The following YWHAZ variants were observed in gnomAD, a reference collection of about 807,000 sequenced individuals.
YWHAZ encodes tyrosine 3-monooxygenase/tryptophan 5-monooxygenase activation protein zeta.
For missense variants in YWHAZ, 79 were observed against 284.8 expected, an observed-to-expected ratio of 0.28 and a Z score of 5.20; for synonymous variants, 87 against 103.6, an observed-to-expected ratio of 0.84 and a Z score of 0.97.
chr8:100,948,329 T>C lies in YWHAZ; in HGVS notation c.294+267A>G, dbSNP rs1260002708. Among the ~76,000 whole-genome samples the C allele has an allele frequency of 6.6e-6, 1 of 151,754 alleles. No individual in the cohort carries two copies. Among genetic ancestry groups the C allele is most frequent in the Non-Finnish European group, 1.5e-5 (1 of 67,660 alleles). Reference sequence around the variant, plus strand: ...GTAAAACAGTAACACAATTAGTTTATATTTTCAATTAATATAAAATACAAT... The same window carrying C: ...GTAAAACAGTAACACAATTAGTTTACATTTTCAATTAATATAAAATACAAT... On this transcript the variant is annotated intron_variant, in intron 2 of 5. Coordinates refer to ENST00000395958, the MANE Select transcript of YWHAZ (RefSeq NM_145690.3). The surrounding 1 kb of genome is among the most constrained non-coding windows in gnomAD (Gnocchi z 4.2).
At chr8:100,933,044 A>G (rs1361864666) in intron 2 of YWHAZ, among the ~76,000 whole-genome samples, 2 of 152,154 alleles carry the variant, frequency 1.3e-5, no homozygotes, top group African/African-American at 2.4e-5. Flanking sequence ...AAGAATCAGT[A>G]TTAACAGTAT....
At chr8:100,946,353 C>T (rs1443249056) in intron 2 of YWHAZ, among the ~76,000 whole-genome samples, 1 of 152,132 alleles carries the variant, frequency 6.6e-6, no homozygotes, top group African/African-American at 2.4e-5. Context: ...ACCTGGTCAC[C>T]AGCCTGGCCG....
In YWHAZ at chr8:100,922,857, T is replaced by C. The variant is rs1362961097; in HGVS notation, c.678+1098A>G. The stretch of plus-strand genomic sequence containing the variant: ...ATCACTTCAAACTAGAAAAGAAAAA[T>C]CCTTAATACTAAAGTTAGTTAACAA... On this transcript the variant is annotated intron_variant, in intron 5 of 5. Coordinates refer to ENST00000395958, the MANE Select transcript of YWHAZ (RefSeq NM_145690.3). This position sits in a 1 kb window ranked among gnomAD's most constrained non-coding sequence, Gnocchi z 4.1. 1 of 152,138 alleles carries C rather than the reference T, an allele frequency of 6.6e-6. No homozygotes were observed. The highest frequency in any genetic ancestry group is 2.4e-5 in the African/African-American group (1 of 41,432). The allele number at this position is 152,138 out of a possible 1,614,324, so 9.4% of individuals were successfully genotyped here.
At chr8:100,929,728 C>T (rs756818642) in intron 2 of YWHAZ, among the ~76,000 whole-genome samples, 1 of 152,090 alleles carries the variant, frequency 6.6e-6, no homozygotes, top group Non-Finnish European at 1.5e-5. Flanking sequence ...AAGTATGTTG[C>T]TTTGTCAAAC....
intron 1 of YWHAZ, chr8:100,951,385 C>G: frequency 4.1e-6 from 4 of 977,712 alleles, no homozygotes; most frequent in Non-Finnish European, 4.9e-6. Flanking sequence ...CCGCAGCGCC[C>G]AGCGCGGAGG....
chr8:100,930,906 T>C (rs192058821), intron 2 of YWHAZ, among the ~76,000 whole-genome samples: 58 of 152,326 alleles, frequency 3.8e-4, no homozygotes, highest in Admixed American at 3.4e-3. Flanking sequence ...AGAAATCATT[T>C]ACTCAGCAGC....
At chr8:100,949,471 A>G (rs1810544252) in intron 1 of YWHAZ, among the ~76,000 whole-genome samples, 1 of 152,128 alleles carries the variant, frequency 6.6e-6, no homozygotes, top group East Asian at 1.9e-4. Flanking sequence ...CTGCCAGCCA[A>G]TAATAGCATA....
Position 100,948,854 on chromosome 8 carries a change from C to T in YWHAZ, c.36G>A (p.Leu12=). 3 of 1,597,718 alleles carry T rather than the reference C, an allele frequency of 1.9e-6. No homozygotes were observed. Among genetic ancestry groups the T allele is most frequent in the Non-Finnish European group, 2.5e-6 (3 of 1,178,824 alleles). ...DKNELVQKAK[L]AEQAERYDDM... is the part of the protein sequence containing the mutation. ...CATCATATCGCTCAGCCTGCTCGGC[C>T]AGTTTGGCCTTCTGAACCAGCTCAT... Residue 12 remains leucine (L), a synonymous_variant, in exon 2 of 6, where the codon CTG becomes CTA. Transcript: ENST00000395958. This position sits in a 1 kb window ranked among gnomAD's most constrained non-coding sequence, Gnocchi z 4.2.
At chr8:100,933,703 T>C (rs1813921370) in intron 2 of YWHAZ, among the ~76,000 whole-genome samples, 1 of 152,172 alleles carries the variant, frequency 6.6e-6, no homozygotes, top group East Asian at 1.9e-4. Context: ...AATATCCTAA[T>C]TTCTGTCAAT....
chr8:100,939,590 C>T (rs996497522), intron 2 of YWHAZ, among the ~76,000 whole-genome samples: 5 of 151,598 alleles, frequency 3.3e-5, no homozygotes, highest in South Asian at 2.1e-4. Context: ...ACCCAGGAGA[C>T]GGAGGATGTG....
chr8:100,948,480 T>C lies in YWHAZ; in HGVS notation c.294+116A>G, dbSNP rs1421473037. 11 of 1,191,916 alleles carry C rather than the reference T, an allele frequency of 9.2e-6. No individual in the cohort carries two copies. In the East Asian group the frequency reaches 1.2e-4, roughly 13 times the overall value. The allele number at this position is 1,191,916 out of a possible 1,614,324, so 73.8% of individuals were successfully genotyped here. On this transcript the variant is annotated intron_variant, in intron 2 of 5. Coordinates refer to ENST00000395958, the MANE Select transcript of YWHAZ (RefSeq NM_145690.3). The surrounding 1 kb of genome is among the most constrained non-coding windows in gnomAD (Gnocchi z 4.2). Reference sequence around the variant, plus strand: ...CATGACACCATGAAGACTTTTAAATTTGGAACACACAATGTTTAGAAGGAA... The same window carrying C: ...CATGACACCATGAAGACTTTTAAATCTGGAACACACAATGTTTAGAAGGAA...
chr8:100,924,327 G>C lies in YWHAZ; in HGVS notation c.419-29C>G, dbSNP rs1449274064. 6.3e-7 allele frequency: 1 copy of C among 1,597,920 alleles called. No individual in the cohort carries two copies. Among genetic ancestry groups the C allele is most frequent in the Admixed American group, 1.7e-5 (1 of 57,610 alleles). ...GATAAGACACACCAAAACGTACTGA[G>C]ATAAAGTGTGCATTATATCTTCACC... is the stretch of plus-strand genomic sequence containing the variant. On this transcript the variant is annotated intron_variant, in intron 3 of 5. Transcript: ENST00000395958. This position sits in a 1 kb window ranked among gnomAD's most constrained non-coding sequence, Gnocchi z 5.7.
Position 100,940,899 on chromosome 8 carries a change from C to T in YWHAZ, c.294+7697G>A, listed in dbSNP as rs116617251. On this transcript the variant is annotated intron_variant, in intron 2 of 5. Transcript: ENST00000395958. Reference sequence around the variant, plus strand: ...GTAAGGTAGTATACACTTTAGTATCCTTTATTTTTAGAAATGTTACACAGG... The same window carrying T: ...GTAAGGTAGTATACACTTTAGTATCTTTTATTTTTAGAAATGTTACACAGG... Among the ~76,000 whole-genome samples the T allele has an allele frequency of 5.2e-3, 785 of 152,252 alleles. 9 individuals carry two copies. Among genetic ancestry groups the T allele is most frequent in the African/African-American group, 0.017 (715 of 41,530 alleles).
chr8:100,951,964 G>C lies in YWHAZ; in HGVS notation c.-47C>G, dbSNP rs1810823239. The C allele has an allele frequency of 2.0e-6, 2 of 1,002,962 alleles. No homozygotes were observed. Among genetic ancestry groups the C allele is most frequent in the African/African-American group, 1.7e-5 (1 of 57,346 alleles). The allele number at this position is 1,002,962 out of a possible 1,614,324, so 62.1% of individuals were successfully genotyped here. A position where few individuals can be genotyped will look rare whatever the true frequency, so the allele number is the denominator to read the frequency against. The stretch of plus-strand genomic sequence containing the variant: ...AGTGGGTGGTGGCGGCGGACGGACG[G>C]GCTCAGCAGTCTCTGGGCGGCGGCG... On this transcript the variant is annotated 5_prime_UTR_variant, in exon 1 of 6. Coordinates refer to ENST00000395958, the MANE Select transcript of YWHAZ (RefSeq NM_145690.3).
In YWHAZ at chr8:100,922,413, G is replaced by C. The variant is rs1813089492; in HGVS notation, c.678+1542C>G. The C allele has an allele frequency of 6.8e-6, 1 of 146,264 alleles. No individual in the cohort carries two copies. Among genetic ancestry groups the C allele is most frequent in the South Asian group, 2.1e-4 (1 of 4,668 alleles). 9.1% of individuals were successfully genotyped at this position (146,264 alleles called of 1,614,324 possible). On this transcript the variant is annotated intron_variant, in intron 5 of 5. Transcript: ENST00000395958. This position sits in a 1 kb window ranked among gnomAD's most constrained non-coding sequence, Gnocchi z 4.1. The stretch of plus-strand genomic sequence containing the variant: ...TCTTTTTTTTTTTTTTTGAGACAGA[G>C]TCTCGCTCTTTTGCCCAGGCTGGAG...
At chr8:100,935,825 ATCT>A (rs1814109681) in intron 2 of YWHAZ, among the ~76,000 whole-genome samples, 1 of 152,184 alleles carries the variant, frequency 6.6e-6, no homozygotes, top group South Asian at 2.1e-4. Flanking sequence ...CCTCACCTTA[ATCT>A]TCTTGTGTTT....
At chr8:100,943,239 C>G (rs1309598948) in intron 2 of YWHAZ, among the ~76,000 whole-genome samples, 2 of 152,182 alleles carry the variant, frequency 1.3e-5, no homozygotes, top group African/African-American at 4.8e-5. Context: ...GGTGTTTATT[C>G]TCTATGTGGA....
At chr8:100,950,011 G>A (rs1810590931) in intron 1 of YWHAZ, among the ~76,000 whole-genome samples, 1 of 152,172 alleles carries the variant, frequency 6.6e-6, no homozygotes, top group South Asian at 2.1e-4. Flanking sequence ...AGTCCACCTT[G>A]GCAGCTGGCT....
chr8:100,930,234 G>A (rs1292443928), intron 2 of YWHAZ, among the ~76,000 whole-genome samples: 1 of 152,182 alleles, frequency 6.6e-6, no homozygotes, highest in Non-Finnish European at 1.5e-5. Context: ...GAGTAGCCGG[G>A]ACTGCAGGCA....
Sources: allele counts gnomAD v4.1 joint callset (sites outside exome capture counted in the v4.1 genomes callset), GRCh38; gene constraint gnomAD v4.1.1; non-coding constraint Gnocchi (gnomAD v3.1); transcripts MANE v1.5; gene names NCBI Gene and HGNC (gene_info 2026-07-23, HGNC 2026-07-21).